TAF12: variants seen among roughly 807,000 people sequenced by gnomAD.
The protein encoded by TAF12 is transcription initiation factor TFIID subunit 12.
In TAF12, 3 loss-of-function variants were observed where a neutral mutation model predicts 20.8. The observed-to-expected ratio is 0.14, with a 90% CI of 0.07 to 0.37. The LOEUF (loss-of-function observed/expected upper bound fraction) is 0.37, where lower values mean the gene tolerates loss of function less well. TAF12 is among the 10% of genes least tolerant of loss of function. The probability of loss-of-function intolerance (pLI) is 1.00; values close to 1 mark genes in which losing one functional copy is unlikely to be tolerated. For synonymous variants in TAF12, 69 were observed against 70.2 expected, an observed-to-expected ratio of 0.98 and a Z score of 0.09; for missense variants, 131 against 197.9, an observed-to-expected ratio of 0.66 and a Z score of 2.03.
chr1:28,632,061 A>T (rs1667647846), intron 1 of TAF12, among the ~76,000 whole-genome samples: 1 of 152,198 alleles, frequency 6.6e-6, no homozygotes, highest in Non-Finnish European at 1.5e-5. Context: ...ATTCACAACT[A>T]CCAAAAACCG....
chr1:28,636,452 A>C (rs764822120), intron 1 of TAF12, among the ~76,000 whole-genome samples: 27 of 152,122 alleles, frequency 1.8e-4, no homozygotes, highest in Non-Finnish European at 3.5e-4. Flanking sequence ...CAAGCTACAT[A>C]ATCTCTTTAT....
At chr1:28,617,846 GTC>G in intron 3 of TAF12, 105 bp downstream of exon 3, 1 of 1,059,354 alleles carries the variant, frequency 9.4e-7, no homozygotes, top group Non-Finnish European at 1.5e-6. Flanking sequence ...TCCTGCTTTG[GTC>G]TCTCAAAAGG....
At chr1:28,635,225 G>A (rs977446012) in intron 1 of TAF12, among the ~76,000 whole-genome samples, 5 of 143,290 alleles carry the variant, frequency 3.5e-5, no homozygotes, top group Non-Finnish European at 6.1e-5. Context: ...GCAAGACTCC[G>A]TCTCAAATAA....
At chr1:28,639,905 A>C (rs1667977104) in intron 1 of TAF12, among the ~76,000 whole-genome samples, 1 of 151,960 alleles carries the variant, frequency 6.6e-6, no homozygotes, top group Non-Finnish European at 1.5e-5. Context: ...ACAGTGACAC[A>C]ATCTCGGCTC....
chr1:28,628,222 A>AGGGGGG (rs1291905001), intron 1 of TAF12, among the ~76,000 whole-genome samples: 1 of 3,094 alleles, frequency 3.2e-4, no homozygotes, highest in Non-Finnish European at 6.5e-4. Flanking sequence ...GACACGGTGC[A>AGGGGGG]GGGGGTGGGG....
chr1:28,605,577 A>G (rs570097181), intron 4 of TAF12, 117 bp from the exon 5 acceptor site: 1 of 904,116 alleles, frequency 1.1e-6, no homozygotes. Context: ...TAACTCCACA[A>G]AGGGATTCTA....
intron 1 of TAF12, among the ~76,000 whole-genome samples, chr1:28,641,611 T>C (rs879848184): frequency 1.3e-5 from 2 of 151,948 alleles, no homozygotes; most frequent in Non-Finnish European, 2.9e-5. Context: ...CTGGGCAATA[T>C]AGTGAGACCC....
intron 3 of TAF12, among the ~76,000 whole-genome samples, chr1:28,616,312 C>T (rs1029239168): frequency 1.3e-5 from 2 of 150,832 alleles, no homozygotes; most frequent in Non-Finnish European, 2.9e-5. Flanking sequence ...GGAAGAATCA[C>T]TTGAACCTGG....
At chr1:28,647,203 A>T (rs1003378485), upstream of TAF12, among the ~76,000 whole-genome samples, 1 of 152,154 alleles carries the variant, frequency 6.6e-6, no homozygotes, top group Non-Finnish European at 1.5e-5. Context: ...GATAAACACT[A>T]AACTGTTCAC....
intron 1 of TAF12, among the ~76,000 whole-genome samples, chr1:28,636,152 G>C (rs1667816571): frequency 6.6e-6 from 1 of 152,166 alleles, no homozygotes; most frequent in African/African-American, 2.4e-5. Flanking sequence ...TTTTTTTCCA[G>C]TGTGCAATTA....
intron 1 of TAF12, among the ~76,000 whole-genome samples, chr1:28,625,133 C>T (rs1667338726): frequency 6.6e-6 from 1 of 152,210 alleles, no homozygotes; most frequent in African/African-American, 2.4e-5. Context: ...TACTTTATCT[C>T]TCAAAAACAT....
chr1:28,605,969 T>C (rs775047375), intron 4 of TAF12, among the ~76,000 whole-genome samples: 50 of 152,244 alleles, frequency 3.3e-4, no homozygotes, highest in Middle Eastern at 6.8e-3. Flanking sequence ...GTAGCTGGGA[T>C]TACAGGTGTG....
rs1291736698 is a variant in TAF12, at chr1:28,602,913, G to C, written c.*626C>G. 2 of 152,086 alleles carry C rather than the reference G, an allele frequency of 1.3e-5. No individual in the cohort carries two copies. Among genetic ancestry groups the C allele is most frequent in the East Asian group, 3.8e-4 (2 of 5,198 alleles). 9.4% of individuals were successfully genotyped at this position (152,086 alleles called of 1,614,324 possible). ...GAAGGTCACCCTACTCAATTCTTAT[G>C]GCCGAGAAGCTGGACTCAAACTCCT... On this transcript the variant is annotated 3_prime_UTR_variant, in exon 6 of 6. Coordinates refer to ENST00000373824, the MANE Select transcript of TAF12 (RefSeq NM_005644.4).
upstream of TAF12, among the ~76,000 whole-genome samples, chr1:28,647,134 T>G (rs1668212606): frequency 6.6e-6 from 1 of 152,086 alleles, no homozygotes; most frequent in Admixed American, 6.6e-5. Flanking sequence ...ATGCCTGGCC[T>G]GAAAACATTT....
intron 3 of TAF12, among the ~76,000 whole-genome samples, chr1:28,613,976 A>C (rs1429357643): frequency 6.6e-6 from 1 of 152,120 alleles, no homozygotes; most frequent in Non-Finnish European, 1.5e-5. Context: ...GTGGTGGCTC[A>C]CGCCTGTAAC....
intron 4 of TAF12, among the ~76,000 whole-genome samples, chr1:28,610,923 G>C (rs1178080817): frequency 2.9e-5 from 4 of 138,664 alleles, no homozygotes; most frequent in Non-Finnish European, 6.0e-5. Context: ...TTGCGCCACT[G>C]CACTCCAGCC....
intron 1 of TAF12, among the ~76,000 whole-genome samples, chr1:28,638,818 G>A (rs1412408485): frequency 4.7e-5 from 6 of 128,382 alleles, no homozygotes; most frequent in South Asian, 4.9e-4. Flanking sequence ...TTGAGACAGA[G>A]CCTTGCTCTG....
At chr1:28,607,020 T>G (rs1040015638) in intron 4 of TAF12, among the ~76,000 whole-genome samples, 2 of 152,236 alleles carry the variant, frequency 1.3e-5, no homozygotes, top group East Asian at 1.9e-4. Flanking sequence ...GATATTATCT[T>G]CCTTATAAGG....
intron 4 of TAF12, among the ~76,000 whole-genome samples, chr1:28,608,229 C>T (rs996295351): frequency 4.0e-5 from 6 of 150,566 alleles, no homozygotes; most frequent in African/African-American, 9.8e-5. Context: ...CCTGTAGTCC[C>T]AGCTACTCGG....
Sources: gnomAD v4.1 joint callset for allele counts (sites outside exome capture counted in the v4.1 genomes callset) on GRCh38, gnomAD v4.1.1 for gene constraint, MANE v1.5 for transcripts, NCBI Gene and HGNC (gene_info 2026-07-23, HGNC 2026-07-21) for gene names.